APP: variants seen among roughly 807,000 people sequenced by gnomAD.
APP encodes amyloid beta precursor protein.
In APP, 31 loss-of-function variants were observed where a neutral mutation model predicts 101.4. That is an observed-to-expected ratio of 0.31 (90% CI 0.23 to 0.41). APP has a LOEUF of 0.41. APP is among the 10% of genes least tolerant of loss of function. APP has a pLI of 1.00. For synonymous variants in APP, 366 were observed against 364.4 expected (o/e 1.00, Z -0.05); for missense variants, 839 against 1,003.7 (o/e 0.84, Z 2.22).
rs191162214 is a variant in APP at position 25,897,825 on chromosome 21, A to G, written c.1964-152T>C. On this transcript the variant is annotated intron_variant, in intron 15 of 17. Transcript: ENST00000346798. Reference sequence around the variant, plus strand: ...GACTCTTAAAGAAAAATGATACCCTATATTTAAAACTTCAATTACTACCTA... The same window carrying G: ...GACTCTTAAAGAAAAATGATACCCTGTATTTAAAACTTCAATTACTACCTA... The G allele has an allele frequency of 1.0e-5, 7 of 670,808 alleles. No individual in the cohort carries two copies. The East Asian group carries it at 1.1e-4, about 10-fold the overall frequency. The allele number at this position is 670,808 out of a possible 1,614,324, so 41.6% of individuals were successfully genotyped here. A position where few individuals can be genotyped will look rare whatever the true frequency, so the allele number is the denominator to read the frequency against.
intron 15 of APP, among the ~76,000 whole-genome samples, chr21:25,901,199 T>G (rs9979255): frequency 1 from 151,196 of 151,196 alleles, 75,598 homozygotes; most frequent in Non-Finnish European, 1. Flanking sequence ...ATGGGAAACT[T>G]AGGTGGGAGG....
chr21:25,916,339 T>C (rs1174529392), intron 13 of APP, among the ~76,000 whole-genome samples: 12 of 152,146 alleles, frequency 7.9e-5, no homozygotes, highest in Non-Finnish European at 1.5e-5. Flanking sequence ...GTAGACATGA[T>C]GGATTACCAT....
At chr21:26,135,795 GC>G (rs1489487073) in intron 1 of APP, among the ~76,000 whole-genome samples, 1 of 151,992 alleles carries the variant, frequency 6.6e-6, no homozygotes, top group African/African-American at 2.4e-5. Flanking sequence ...TCAAAACGAA[GC>G]CCCAGAGAGC....
chr21:26,020,160 T>A (rs930620801), intron 6 of APP, among the ~76,000 whole-genome samples: 8 of 152,214 alleles, frequency 5.3e-5, no homozygotes, highest in Non-Finnish European at 8.8e-5. Flanking sequence ...AATACTGTGT[T>A]AAGTGAAAGA....
intron 3 of APP, among the ~76,000 whole-genome samples, chr21:26,054,332 C>T (rs1212473370): frequency 6.6e-6 from 1 of 152,188 alleles, no homozygotes; most frequent in East Asian, 1.9e-4. Flanking sequence ...ATTATACCCC[C>T]ACAATTCCTG....
chr21:25,979,665 C>T (rs1236401305), intron 9 of APP, among the ~76,000 whole-genome samples: 3 of 152,046 alleles, frequency 2.0e-5, no homozygotes, highest in South Asian at 4.1e-4. Flanking sequence ...TCACAAGTTA[C>T]ACAGATGTGC....
chr21:25,898,274 AT>A (rs1161915316), intron 15 of APP, among the ~76,000 whole-genome samples: 2 of 152,226 alleles, frequency 1.3e-5, no homozygotes, highest in African/African-American at 4.8e-5. Context: ...ATAGTACATA[AT>A]TTTAAAAATG....
intron 13 of APP, among the ~76,000 whole-genome samples, chr21:25,947,936 C>T (rs1005197236): frequency 5.1e-5 from 7 of 136,304 alleles, no homozygotes; most frequent in East Asian, 2.3e-4. Flanking sequence ...ACCCGGGAGG[C>T]GGAGGTTGCA....
intron 15 of APP, among the ~76,000 whole-genome samples, chr21:25,899,440 G>T (rs2038292915): frequency 6.6e-6 from 1 of 152,196 alleles, no homozygotes; most frequent in African/African-American, 2.4e-5. Context: ...TATGACTTCT[G>T]AGACTGGGCC....
intron 3 of APP, among the ~76,000 whole-genome samples, chr21:26,066,478 A>G (rs760705814): frequency 1.9e-4 from 24 of 129,260 alleles, no homozygotes; most frequent in Non-Finnish European, 3.6e-4. Context: ...CCCCACCTCC[A>G]CTCCCCATTC....
intron 1 of APP, among the ~76,000 whole-genome samples, chr21:26,135,842 T>C (rs772805457): frequency 9.9e-5 from 15 of 151,930 alleles, no homozygotes; most frequent in Middle Eastern, 3.2e-3. Flanking sequence ...GTTTTAGAAA[T>C]AGTTTTGTCA....
At chr21:26,064,565 C>G (rs1361374753) in intron 3 of APP, among the ~76,000 whole-genome samples, 2 of 151,502 alleles carry the variant, frequency 1.3e-5, no homozygotes, top group African/African-American at 4.9e-5. Flanking sequence ...TAGGGTTTTA[C>G]TGGGGGCTTG....
chr21:25,897,408 T>C (rs554917381), intron 16 of APP, among the ~76,000 whole-genome samples, 165 bp downstream of exon 16: 26 of 152,316 alleles, frequency 1.7e-4, no homozygotes, highest in East Asian at 1.2e-3. Flanking sequence ...GCCACTGCGC[T>C]CAGCCTAGCC....
At chr21:25,914,708 C>G (rs1037926356) in intron 13 of APP, among the ~76,000 whole-genome samples, 1 of 152,104 alleles carries the variant, frequency 6.6e-6, no homozygotes, top group African/African-American at 2.4e-5. Flanking sequence ...CGCCCGCCAC[C>G]ACGCCCGGCT....
rs1491305120 is a variant in APP at position 25,924,428 on chromosome 21, G to GAAA, written c.1688-12467_1688-12466insTTT. ...TGCAAATACAAAAAAAAAAAAAAAA[G>GAAA]GAAAAAAAAAAAGGTTGAGTTCATG... On this transcript the variant is annotated intron_variant, in intron 13 of 17. Coordinates refer to ENST00000346798, the MANE Select transcript of APP (RefSeq NM_000484.4). Among the ~76,000 whole-genome samples, 11 of 76,560 alleles carry GAAA rather than the reference G, an allele frequency of 1.4e-4. 1 individual carries two copies. In the East Asian group the frequency reaches 1.7e-3, roughly 12 times the overall value. The allele number at this position is 76,560 out of a possible 152,430, so 50.2% of individuals were successfully genotyped here. A position where few individuals can be genotyped will look rare whatever the true frequency, so the allele number is the denominator to read the frequency against.
At chr21:25,967,201 A>AC (rs1176664363) in intron 11 of APP, among the ~76,000 whole-genome samples, 1 of 152,172 alleles carries the variant, frequency 6.6e-6, no homozygotes, top group Non-Finnish European at 1.5e-5. Flanking sequence ...GAAACTGCCA[A>AC]CATTTTTTTT....
chr21:26,034,915 AAT>A (rs1406565892), intron 5 of APP, among the ~76,000 whole-genome samples: 3 of 152,066 alleles, frequency 2.0e-5, no homozygotes, highest in African/African-American at 7.2e-5. Context: ...AAAATACTAA[AAT>A]GTGATTCATT....
chr21:26,038,855 C>T (rs1228017335), intron 5 of APP, among the ~76,000 whole-genome samples: 1 of 152,140 alleles, frequency 6.6e-6, no homozygotes, highest in African/African-American at 2.4e-5. Context: ...ACTTTACCGG[C>T]TTGATATGCA....
At chr21:26,148,481 G>A (rs1040094030) in intron 1 of APP, among the ~76,000 whole-genome samples, 3 of 152,174 alleles carry the variant, frequency 2.0e-5, no homozygotes, top group African/African-American at 7.2e-5. Flanking sequence ...AAGGAAATGA[G>A]GCTCATTTCA....
Sources: allele counts gnomAD v4.1 joint callset (sites outside exome capture counted in the v4.1 genomes callset), GRCh38; gene constraint gnomAD v4.1.1; transcripts MANE v1.5; gene names NCBI Gene and HGNC (gene_info 2026-07-23, HGNC 2026-07-21).